Variants in CROT observed in about 807,000 individuals in gnomAD.
The protein encoded by CROT is carnitine O-octanoyltransferase, also known as peroxisomal carnitine O-octanoyltransferase.
Under a neutral mutation model 89.2 loss-of-function variants are expected in CROT, and 84 were observed. The observed-to-expected ratio is 0.94, with a 90% CI of 0.79 to 1.13. The LOEUF is 1.13. Ranked by LOEUF, CROT falls within the 50% of genes most tolerant of loss-of-function variation. CROT has a pLI of 0.00. For synonymous variants in CROT, 212 were observed against 239.5 expected (o/e 0.89, Z 1.06); for missense variants, 711 against 727.8 (o/e 0.98, Z 0.27).
At chr7:87,359,964 A>G (rs1404327072) in intron 4 of CROT, 1 of 980,824 alleles carries the variant, frequency 1.0e-6, no homozygotes, top group African/African-American at 1.7e-5. Flanking sequence ...TATTGTACCT[A>G]TCATTTAGTT....
intron 17 of CROT, among the ~76,000 whole-genome samples, chr7:87,395,415 A>G (rs1285982599): frequency 2.6e-5 from 4 of 152,200 alleles, no homozygotes; most frequent in Non-Finnish European, 5.9e-5. Flanking sequence ...ACCCAGGATC[A>G]ATACTTTGCA....
intron 10 of CROT, among the ~76,000 whole-genome samples, chr7:87,379,834 C>G (rs1456809574): frequency 6.6e-6 from 1 of 152,086 alleles, no homozygotes; most frequent in East Asian, 1.9e-4. Context: ...ATGCTGTAGG[C>G]CAAACATGGG....
At chr7:87,359,376 A>G in intron 4 of CROT, 46 bp downstream of exon 4, 1 of 1,535,914 alleles carries the variant, frequency 6.5e-7, no homozygotes, top group African/African-American at 1.4e-5. Flanking sequence ...AAAGAATGAT[A>G]AATAAAAAGT....
intron 6 of CROT, among the ~76,000 whole-genome samples, chr7:87,363,902 TG>T (rs1452205470): frequency 6.6e-6 from 1 of 152,158 alleles, no homozygotes; most frequent in Non-Finnish European, 1.5e-5. Flanking sequence ...TTTTGGATTT[TG>T]GGTTAGCAGG....
At chr7:87,393,500 A>G (rs1807433750) in intron 17 of CROT, among the ~76,000 whole-genome samples, 2 of 152,210 alleles carry the variant, frequency 1.3e-5, no homozygotes, top group Admixed American at 6.5e-5. Context: ...ATTCAGATGC[A>G]GTTCACTTGG....
chr7:87,358,240 G>A (rs983749658), intron 3 of CROT, among the ~76,000 whole-genome samples: 1 of 151,978 alleles, frequency 6.6e-6, no homozygotes, highest in Non-Finnish European at 1.5e-5. Flanking sequence ...CACTTTGGGA[G>A]GCGGAGGCAG....
chr7:87,391,562 A>C, intron 13 of CROT, 27 bp from the exon 14 acceptor site: 1 of 1,579,660 alleles, frequency 6.3e-7, no homozygotes, highest in African/African-American at 1.4e-5. Flanking sequence ...CTTTCTTATG[A>C]TACACTCTTT....
chr7:87,385,650 C>T (rs1430352037), intron 13 of CROT, among the ~76,000 whole-genome samples: 1 of 152,078 alleles, frequency 6.6e-6, no homozygotes, highest in Non-Finnish European at 1.5e-5. Flanking sequence ...TTTTCCTTTG[C>T]AATTTGAGTG....
intron 2 of CROT, among the ~76,000 whole-genome samples, chr7:87,346,648 T>C (rs1049685259): frequency 6.6e-6 from 1 of 152,198 alleles, no homozygotes; most frequent in African/African-American, 2.4e-5. Flanking sequence ...TGTGTACCGG[T>C]TGGTGGGTTA....
chr7:87,351,104 C>T (rs540708424), intron 3 of CROT, among the ~76,000 whole-genome samples: 16 of 151,786 alleles, frequency 1.1e-4, no homozygotes, highest in Admixed American at 6.6e-4. Flanking sequence ...ATCAGGAGAT[C>T]GAGACCATCC....
intron 17 of CROT, 46 bp downstream of exon 17, chr7:87,393,113 G>A (rs754618743): frequency 6.3e-7 from 1 of 1,577,862 alleles, no homozygotes; most frequent in South Asian, 1.2e-5. Context: ...GAGTAGGAAA[G>A]GTATTACTTT....
chr7:87,391,842 G>C, intron 14 of CROT, 130 bp downstream of exon 14: 2 of 938,058 alleles, frequency 2.1e-6, no homozygotes, highest in Non-Finnish European at 1.6e-6. Context: ...CATCTTTTCT[G>C]AGGTTTTTAA....
At position 87,392,592 on chromosome 7, in the gene CROT, A is replaced by G. The variant is rs750597789; in HGVS notation, c.1452A>G (p.Leu484=). ...VNLRERQQKM[L]QAFAKHNKMM... is the part of the protein sequence containing the mutation. Reference sequence around the variant, plus strand: ...TTCGTGAGCGGCAGCAAAAGATGTTACAAGCTTTTGCAAAGCATAATAAAA... The same window carrying G: ...TTCGTGAGCGGCAGCAAAAGATGTTGCAAGCTTTTGCAAAGCATAATAAAA... Residue 484 remains leucine, a synonymous_variant, in exon 15 of 18, where the codon TTA becomes TTG. Coordinates refer to ENST00000331536, the MANE Select transcript of CROT (RefSeq NM_021151.4). The G allele has an allele frequency of 3.1e-6, 5 of 1,613,578 alleles. No homozygotes were observed. The highest frequency in any genetic ancestry group is 8.5e-7 in the Non-Finnish European group (1 of 1,179,654).
chr7:87,353,948 T>C (rs867043221), intron 3 of CROT, among the ~76,000 whole-genome samples: 2 of 152,326 alleles, frequency 1.3e-5, no homozygotes, highest in African/African-American at 4.8e-5. Flanking sequence ...GTTCATGGTG[T>C]GACTAAAAGC....
intron 13 of CROT, among the ~76,000 whole-genome samples, chr7:87,390,396 A>T (rs1807321289): frequency 6.6e-6 from 1 of 152,104 alleles, no homozygotes; most frequent in Non-Finnish European, 1.5e-5. Context: ...ATATTTTATT[A>T]CTCATTTTTA....
chr7:87,381,899 TCTC>T lies in CROT; in HGVS notation c.979-10_979-8del. 1 of 1,581,750 alleles carries T rather than the reference TCTC, an allele frequency of 6.3e-7. No individual in the cohort carries two copies. Reference sequence around the variant, plus strand: ...TAAAGTATTCAGAAATCTTGTGTGTTCTCATTTTAGCATGCTCCTTTTGATGCA... The same window carrying T: ...TAAAGTATTCAGAAATCTTGTGTGTTATTTTAGCATGCTCCTTTTGATGCA... On this transcript the variant is annotated splice_polypyrimidine_tract_variant and splice_region_variant and intron_variant, in intron 10 of 17. Transcript: ENST00000331536.
intron 13 of CROT, among the ~76,000 whole-genome samples, chr7:87,383,685 T>G (rs960429842): frequency 6.6e-6 from 1 of 151,946 alleles, no homozygotes; most frequent in African/African-American, 2.4e-5. Context: ...TTAGTAGAGA[T>G]GGGGTTTCGT....
chr7:87,387,808 T>TG (rs1452924667), intron 13 of CROT, among the ~76,000 whole-genome samples: 1 of 152,054 alleles, frequency 6.6e-6, no homozygotes, highest in Non-Finnish European at 1.5e-5. Context: ...AAAAATTAGC[T>TG]GGGTATTGTG....
intron 3 of CROT, among the ~76,000 whole-genome samples, chr7:87,355,492 C>A (rs1806035279): frequency 6.6e-6 from 1 of 152,088 alleles, no homozygotes; most frequent in Non-Finnish European, 1.5e-5. Flanking sequence ...TTTAAATAAG[C>A]TCTAAATTAT....
Sources: allele counts gnomAD v4.1 joint callset (sites outside exome capture counted in the v4.1 genomes callset), GRCh38; gene constraint gnomAD v4.1.1; transcripts MANE v1.5; gene names NCBI Gene and HGNC (gene_info 2026-07-23, HGNC 2026-07-21).